CCDC134: variants seen among roughly 807,000 people sequenced by gnomAD.
CCDC134 encodes the protein coiled-coil domain-containing protein 134.
Under a neutral mutation model 25.6 loss-of-function variants are expected in CCDC134, and 27 were observed. The ratio of observed to expected loss-of-function variants is 1.05; its 90% CI spans 0.78 to 1.45. The LOEUF (loss-of-function observed/expected upper bound fraction) is 1.45, where lower values mean the gene tolerates loss of function less well. Ranked by LOEUF, CCDC134 falls within the 40% of genes most tolerant of loss-of-function variation. The pLI, the probability that CCDC134 is intolerant of heterozygous loss-of-function variation, is 0.00. For missense variants in CCDC134, 261 were observed against 286.7 expected, an observed-to-expected ratio of 0.91 and a Z score of 0.65; for synonymous variants, 110 against 115.0, an observed-to-expected ratio of 0.96 and a Z score of 0.28.
At chr22:41,806,802 CTT>C (rs1231836984) in intron 1 of CCDC134, among the ~76,000 whole-genome samples, 1 of 152,016 alleles carries the variant, frequency 6.6e-6, no homozygotes, top group Non-Finnish European at 1.5e-5. Flanking sequence ...AATCCCAGCA[CTT>C]TGGGAGGCTG....
rs563438661 is a variant in CCDC134, at chr22:41,816,736, G to T, written c.564+2914G>T. Reference sequence around the variant, plus strand: ...AAATCAAGACTATCCTGGCCAACATGGTGAAACCCCGTCTCTACTAAAAAT... The same window carrying T: ...AAATCAAGACTATCCTGGCCAACATTGTGAAACCCCGTCTCTACTAAAAAT... On this transcript the variant is annotated intron_variant, in intron 6 of 6. Transcript: ENST00000255784. 7.2e-4 allele frequency among the ~76,000 whole-genome samples: 109 copies of T among 152,282 alleles called. No homozygotes were observed. The Middle Eastern group carries it at 0.014, about 19-fold the overall frequency.
chr22:41,805,768 A>C (rs2076564799), intron 1 of CCDC134, among the ~76,000 whole-genome samples: 1 of 152,170 alleles, frequency 6.6e-6, no homozygotes, highest in Non-Finnish European at 1.5e-5. Context: ...TACCTCTACA[A>C]AAAGATTTTA....
At chr22:41,804,592 C>T (rs1382905482) in intron 1 of CCDC134, among the ~76,000 whole-genome samples, 1 of 152,060 alleles carries the variant, frequency 6.6e-6, no homozygotes, top group African/African-American at 2.4e-5. Flanking sequence ...GGAAGCAAAA[C>T]CAAGGCAGAC....
intron 1 of CCDC134, among the ~76,000 whole-genome samples, chr22:41,807,890 G>A (rs898679842): frequency 5.9e-5 from 9 of 151,922 alleles, no homozygotes; most frequent in East Asian, 1.9e-4. Flanking sequence ...GGCCGGGCGC[G>A]GTGGCTCACA....
rs922743724 is a variant in CCDC134, at chr22:41,820,347, T to C, written c.565-5351T>C. ...AGATTTTTGCTCTTGTTGCCCAGGC[T>C]GGAGTGCAATGGTGCGATCTTGGCT... On this transcript the variant is annotated intron_variant, in intron 6 of 6. Transcript: ENST00000255784. 9.2e-5 allele frequency among the ~76,000 whole-genome samples: 14 copies of C among 152,118 alleles called. No homozygotes were observed. The South Asian group carries it at 1.5e-3, about 16-fold the overall frequency.
At chr22:41,810,089 T>C in intron 3 of CCDC134, 89 bp downstream of exon 3, 2 of 1,597,662 alleles carry the variant, frequency 1.3e-6, no homozygotes, top group South Asian at 2.2e-5. Context: ...CGGGTTGGTG[T>C]TCAGGGACAG....
At chr22:41,815,204 CTTTTTTTTTTT>C (rs869174312) in intron 6 of CCDC134, among the ~76,000 whole-genome samples, 1 of 122,140 alleles carries the variant, frequency 8.2e-6, no homozygotes, top group African/African-American at 3.4e-5. Context: ...CTTTTCTTTT[CTTTTTTTTTTT>C]TTTTTTTTGA....
At chr22:41,821,047 G>T (rs959230758) in intron 6 of CCDC134, among the ~76,000 whole-genome samples, 1 of 152,190 alleles carries the variant, frequency 6.6e-6, no homozygotes, top group Non-Finnish European at 1.5e-5. Context: ...TCAGCATGAT[G>T]GTGGCCGACC....
chr22:41,811,533 A>G (rs148226160), intron 4 of CCDC134, among the ~76,000 whole-genome samples: 2 of 152,146 alleles, frequency 1.3e-5, no homozygotes, highest in African/African-American at 4.8e-5. Context: ...GGTTCAAGTG[A>G]TTCTTGTGCC....
At position 41,821,002 on chromosome 22, in the gene CCDC134, G is replaced by A. The variant is rs76293665; in HGVS notation, c.565-4696G>A. Among the ~76,000 whole-genome samples the A allele has an allele frequency of 7.9e-3, 1,199 of 152,274 alleles. 6 individuals carry two copies. The highest frequency in any genetic ancestry group is 0.02 in the South Asian group (95 of 4,820). On this transcript the variant is annotated intron_variant, in intron 6 of 6. Transcript: ENST00000255784. ...GGCTGGAGATAGAGGTTGAAGGACT[G>A]AGGAGGAAGCAGCGAGAACCCGCAG...
chr22:41,810,668 G>A (rs1482935391), intron 4 of CCDC134, among the ~76,000 whole-genome samples: 1 of 151,542 alleles, frequency 6.6e-6, no homozygotes, highest in Non-Finnish European at 1.5e-5. Context: ...GCTAGTTTTT[G>A]TATTCTTAAT....
At chr22:41,819,219 A>C (rs1287303105) in intron 6 of CCDC134, among the ~76,000 whole-genome samples, 1 of 152,200 alleles carries the variant, frequency 6.6e-6, no homozygotes, top group Non-Finnish European at 1.5e-5. Context: ...CACTAGAGTC[A>C]ACTCGTATCA....
At chr22:41,809,773 GGC>G in intron 2 of CCDC134, 104 bp from the exon 3 acceptor site, 1 of 1,454,256 alleles carries the variant, frequency 6.9e-7, no homozygotes, top group East Asian at 2.3e-5. Flanking sequence ...GGGTGTCCAT[GGC>G]CCTTGCAGAT....
At chr22:41,819,771 C>G (rs1393233228) in intron 6 of CCDC134, among the ~76,000 whole-genome samples, 1 of 151,362 alleles carries the variant, frequency 6.6e-6, no homozygotes, top group African/African-American at 2.4e-5. Context: ...ATCTGTGTAT[C>G]CCAAGGAAGA....
chr22:41,806,288 G>A (rs895495163), intron 1 of CCDC134, among the ~76,000 whole-genome samples: 3 of 146,986 alleles, frequency 2.0e-5, no homozygotes, highest in South Asian at 2.1e-4. Context: ...GTGCGATCTC[G>A]GCTCACTGCA....
intron 4 of CCDC134, among the ~76,000 whole-genome samples, chr22:41,811,255 C>A (rs2076594548): frequency 6.6e-6 from 1 of 152,040 alleles, no homozygotes; most frequent in East Asian, 1.9e-4. Context: ...GCAAACCTAC[C>A]CTCCAAGGCC....
rs1303730099 is a variant in CCDC134, at chr22:41,830,236, C to T, written c.*4413C>T. Among the ~76,000 whole-genome samples the T allele has an allele frequency of 6.6e-6, 1 of 152,232 alleles. No individual in the cohort carries two copies. Among genetic ancestry groups the T allele is most frequent in the Non-Finnish European group, 1.5e-5 (1 of 68,034 alleles). Reference sequence around the variant, plus strand: ...CAGGGCCAGAGGGAAAATATCAGTGCTTCCTGAGGTTCGGGTCCAGCCACC... The same window carrying T: ...CAGGGCCAGAGGGAAAATATCAGTGTTTCCTGAGGTTCGGGTCCAGCCACC... On this transcript the variant is annotated 3_prime_UTR_variant, in exon 7 of 7. Coordinates refer to ENST00000255784, the MANE Select transcript of CCDC134 (RefSeq NM_024821.5).
rs143164621 is a variant in CCDC134, at chr22:41,805,978, T to C, written c.-16-2897T>C. 6.6e-5 allele frequency among the ~76,000 whole-genome samples: 10 copies of C among 152,270 alleles called. No individual in the cohort carries two copies. The East Asian group carries it at 1.5e-3, about 23-fold the overall frequency. Reference sequence around the variant, plus strand: ...TTCATCAGTTTTTAATTGAGTTCTGTTTGATTTTGATTAGAGATTTCAGGA... The same window carrying C: ...TTCATCAGTTTTTAATTGAGTTCTGCTTGATTTTGATTAGAGATTTCAGGA... On this transcript the variant is annotated intron_variant, in intron 1 of 6. Transcript: ENST00000255784.
chr22:41,820,757 G>A (rs75704929), intron 6 of CCDC134, among the ~76,000 whole-genome samples: 1,981 of 152,250 alleles, frequency 0.013, 47 homozygotes, highest in African/African-American at 0.045. Flanking sequence ...GAGAGGGAGG[G>A]TAGTAAGAGT....
Sources: gnomAD v4.1 joint callset for allele counts (sites outside exome capture counted in the v4.1 genomes callset) on GRCh38, gnomAD v4.1.1 for gene constraint, MANE v1.5 for transcripts, NCBI Gene and HGNC (gene_info 2026-07-23, HGNC 2026-07-21) for gene names.